Variants in ABCA13 observed in about 807,000 individuals in gnomAD.
The protein encoded by ABCA13 is ATP binding cassette subfamily A member 13, also known as ATP-binding cassette sub-family A member 13.
In ABCA13, 476 loss-of-function variants were observed where a neutral mutation model predicts 478.7. The observed-to-expected ratio is 0.99, with a 90% CI of 0.92 to 1.07. ABCA13 has a LOEUF of 1.07. ABCA13 is among the 50% of genes least tolerant of loss of function. The pLI is 0.00. For missense variants in ABCA13, 6,060 were observed against 5,910.6 expected (o/e 1.03, Z -0.83); for synonymous variants, 2,252 against 2,158.9 (o/e 1.04, Z -1.20).
chr7:48,419,422 A>C (rs879599513), intron 41 of ABCA13, among the ~76,000 whole-genome samples: 1 of 152,176 alleles, frequency 6.6e-6, no homozygotes, highest in Non-Finnish European at 1.5e-5. Flanking sequence ...TTCATATGTA[A>C]AATTCCTACA....
chr7:48,307,265 T>C (rs1385188079), intron 23 of ABCA13, among the ~76,000 whole-genome samples: 3 of 152,244 alleles, frequency 2.0e-5, no homozygotes, highest in Admixed American at 6.5e-5. Flanking sequence ...CTAGGCTATA[T>C]GGTATGGCCT....
At chr7:48,230,291 C>G (rs1788854520) in intron 7 of ABCA13, among the ~76,000 whole-genome samples, 1 of 152,144 alleles carries the variant, frequency 6.6e-6, no homozygotes, top group Non-Finnish European at 1.5e-5. Flanking sequence ...TTTCCTCTCT[C>G]TAAGCTCCTA....
At chr7:48,505,625 G>A (rs947721020) in intron 48 of ABCA13, among the ~76,000 whole-genome samples, 6 of 152,114 alleles carry the variant, frequency 3.9e-5, no homozygotes, top group African/African-American at 1.4e-4. Context: ...TTAGGCAAAG[G>A]AAATCTGATT....
chr7:48,526,858 T>C (rs1308690527), intron 54 of ABCA13, among the ~76,000 whole-genome samples: 1 of 152,156 alleles, frequency 6.6e-6, no homozygotes, highest in Non-Finnish European at 1.5e-5. Flanking sequence ...CAAAATATCA[T>C]AAGCATGTAC....
Position 48,274,083 on chromosome 7 carries a change from G to T in ABCA13, c.4417G>T (p.Val1473Leu). The T allele has an allele frequency of 6.2e-7, 1 of 1,606,472 alleles. No homozygotes were observed. Among genetic ancestry groups the T allele is most frequent in the Non-Finnish European group, 8.5e-7 (1 of 1,175,528 alleles). ...LKDVTDFLNIVLTTVFEKEKK... is the reference protein window; with the variant it reads ...LKDVTDFLNILLTTVFEKEKK... ...AGATGTAACTGACTTTCTAAATATT[G>T]TACTTACTACAGTCTTTGAAAAAGA... is the stretch of plus-strand genomic sequence containing the variant. Residue 1473 changes from valine to leucine, a missense_variant, in exon 17 of 62, where the codon GTA (valine) becomes TTA (leucine). Physicochemically the swap from Val to Leu is conservative, Grantham distance 32. Transcript: ENST00000435803.
In ABCA13 at chr7:48,319,559, T is replaced by C. The variant is rs540787678; in HGVS notation, c.9999+2263T>C. On this transcript the variant is annotated intron_variant, in intron 27 of 61. Transcript: ENST00000435803. ...GGAGTGGCCCATGCTATAAATTATT[T>C]AAGACGTGGTCTTTTTCTCTCCATT... Among the ~76,000 whole-genome samples, 4 of 152,348 alleles carry C rather than the reference T, an allele frequency of 2.6e-5. No homozygotes were observed. The South Asian group carries it at 6.2e-4, about 24-fold the overall frequency.
intron 45 of ABCA13, among the ~76,000 whole-genome samples, chr7:48,478,573 G>A (rs1828402651): frequency 6.6e-6 from 1 of 152,086 alleles, no homozygotes; most frequent in African/African-American, 2.4e-5. Flanking sequence ...AAAGAATAGG[G>A]CTTTGGATCC....
chr7:48,327,053 T>G (rs1804441310), intron 27 of ABCA13, among the ~76,000 whole-genome samples: 2 of 152,194 alleles, frequency 1.3e-5, no homozygotes, highest in African/African-American at 4.8e-5. Context: ...GAATCACTCT[T>G]TATTGAGCAC....
At chr7:48,488,311 A>G (rs1829531470) in intron 47 of ABCA13, among the ~76,000 whole-genome samples, 1 of 152,004 alleles carries the variant, frequency 6.6e-6, no homozygotes, top group Non-Finnish European at 1.5e-5. Context: ...CACAAACACA[A>G]TAGCTGCCAC....
intron 51 of ABCA13, 141 bp downstream of exon 51, chr7:48,511,340 G>A (rs1302911472): frequency 5.6e-6 from 4 of 710,276 alleles, no homozygotes; most frequent in Non-Finnish European, 9.1e-6. Flanking sequence ...GGGACACGGA[G>A]CAAACAAGCC....
At chr7:48,621,513 G>T (rs1331417100) in intron 59 of ABCA13, among the ~76,000 whole-genome samples, 1 of 152,084 alleles carries the variant, frequency 6.6e-6, no homozygotes, top group African/African-American at 2.4e-5. Context: ...GGATATGTGT[G>T]GTCCTGAAAT....
At chr7:48,268,743 G>T (rs933712990) in intron 15 of ABCA13, among the ~76,000 whole-genome samples, 14 of 142,942 alleles carry the variant, frequency 9.8e-5, no homozygotes, top group Non-Finnish European at 1.6e-4. Context: ...GTCTCGCTCT[G>T]TTGTTTACTG....
intron 6 of ABCA13, 134 bp from the exon 7 acceptor site, chr7:48,229,691 C>T: frequency 2.0e-6 from 2 of 982,622 alleles, no homozygotes. Flanking sequence ...AGAATGCTGA[C>T]ATGTAAATGG....
At chr7:48,252,440 A>G (rs1460730954) in intron 15 of ABCA13, among the ~76,000 whole-genome samples, 1 of 152,188 alleles carries the variant, frequency 6.6e-6, no homozygotes, top group Non-Finnish European at 1.5e-5. Context: ...ACAAACCTAG[A>G]TGGTATAGCT....
At chr7:48,517,972 A>T (rs1022171280) in intron 52 of ABCA13, among the ~76,000 whole-genome samples, 1 of 152,212 alleles carries the variant, frequency 6.6e-6, no homozygotes, top group Non-Finnish European at 1.5e-5. Context: ...TCAGAGACTT[A>T]GTAAATTTGC....
At chr7:48,395,758 G>A (rs1358464517) in intron 38 of ABCA13, among the ~76,000 whole-genome samples, 2 of 152,104 alleles carry the variant, frequency 1.3e-5, no homozygotes, top group South Asian at 2.1e-4. Context: ...TTGCCTCATT[G>A]TAAGCATACA....
Position 48,263,464 on chromosome 7 carries a change from C to CT in ABCA13, c.2006-5514dup, listed in dbSNP as rs1427267526. On this transcript the variant is annotated intron_variant, in intron 15 of 61. Transcript: ENST00000435803. Reference sequence around the variant, plus strand: ...GGCATGGGTTTTGGAAGCAGATGGACTTGGTAGCAAACATTGCATTTGACA... The same window carrying CT: ...GGCATGGGTTTTGGAAGCAGATGGACTTTGGTAGCAAACATTGCATTTGACA... Among the ~76,000 whole-genome samples, 3 of 151,958 alleles carry CT rather than the reference C, an allele frequency of 2.0e-5. No homozygotes were observed. In the East Asian group the frequency reaches 5.8e-4, roughly 29 times the overall value.
chr7:48,348,991 G>A (rs956019938), intron 29 of ABCA13, among the ~76,000 whole-genome samples: 9 of 152,202 alleles, frequency 5.9e-5, no homozygotes, highest in African/African-American at 2.2e-4. Flanking sequence ...GATGGCATGT[G>A]TTTGAATCAT....
intron 55 of ABCA13, 113 bp from the exon 56 acceptor site, chr7:48,580,111 A>T: frequency 8.8e-7 from 1 of 1,130,394 alleles, no homozygotes; most frequent in Non-Finnish European, 1.2e-6. Context: ...GAAATGAACT[A>T]ATTGTTTTAA....
Sources: allele counts gnomAD v4.1 joint callset (sites outside exome capture counted in the v4.1 genomes callset), GRCh38; gene constraint gnomAD v4.1.1; transcripts MANE v1.5; gene names NCBI Gene and HGNC (gene_info 2026-07-23, HGNC 2026-07-21).